Variants in WDR35 observed in about 807,000 individuals in gnomAD.
WDR35 encodes the protein WD repeat-containing protein 35.
A neutral mutation model predicts 158.3 loss-of-function variants in WDR35; 118 were observed. That is an observed-to-expected ratio of 0.75 (90% CI 0.64 to 0.87). The LOEUF (loss-of-function observed/expected upper bound fraction) is 0.87. Among genes scored for constraint, WDR35 ranks in the 40% least tolerant of loss-of-function variants. WDR35 has a pLI of 0.00. For missense variants in WDR35, 1,263 were observed against 1,405.8 expected (o/e 0.90, Z 1.62); for synonymous variants, 448 against 476.1 (o/e 0.94, Z 0.77).
chr2:19,986,245 A>C (rs1304664564), intron 2 of WDR35, among the ~76,000 whole-genome samples: 1 of 152,220 alleles, frequency 6.6e-6, no homozygotes, highest in Non-Finnish European at 1.5e-5. Flanking sequence ...TGAACACAGT[A>C]AATAGGAGAT....
At chr2:19,963,751 T>C (rs13389766) in intron 10 of WDR35, among the ~76,000 whole-genome samples, 3,586 of 126,518 alleles carry the variant, frequency 0.028, 134 homozygotes, top group African/African-American at 0.091. Context: ...TATTTATTTA[T>C]TTACTTACTT....
intron 10 of WDR35, among the ~76,000 whole-genome samples, chr2:19,965,243 C>T (rs1042856785): frequency 9.8e-5 from 15 of 152,310 alleles, no homozygotes; most frequent in South Asian, 6.2e-4. Context: ...GTTTTTCAGA[C>T]GTGTCCTTCC....
intron 11 of WDR35, among the ~76,000 whole-genome samples, chr2:19,955,951 T>A (rs527553702): frequency 6.6e-6 from 1 of 152,290 alleles, no homozygotes; most frequent in East Asian, 1.9e-4. Context: ...CAAGATTTTT[T>A]CATTCAAAAT....
intron 8 of WDR35, among the ~76,000 whole-genome samples, chr2:19,971,133 C>A (rs569147003): frequency 6.6e-6 from 1 of 152,078 alleles, no homozygotes; most frequent in East Asian, 1.9e-4. Context: ...ATAAGGCAAT[C>A]GAACATTTTT....
chr2:19,928,036 T>C (rs942320915), intron 25 of WDR35, among the ~76,000 whole-genome samples: 1 of 152,164 alleles, frequency 6.6e-6, no homozygotes, highest in Admixed American at 6.5e-5. Flanking sequence ...GGCCATAAAC[T>C]GGCCCCAAAA....
chr2:19,989,435 C>T (rs1451343718), intron 1 of WDR35, among the ~76,000 whole-genome samples, 153 bp from the exon 2 acceptor site: 1 of 152,164 alleles, frequency 6.6e-6, no homozygotes, highest in African/African-American at 2.4e-5. Flanking sequence ...GGCATGGTCC[C>T]CTGAACTGAC....
chr2:19,920,732 C>A (rs1302956796), intron 25 of WDR35, among the ~76,000 whole-genome samples: 1 of 152,128 alleles, frequency 6.6e-6, no homozygotes, highest in Non-Finnish European at 1.5e-5. Flanking sequence ...CTGGCCAAGA[C>A]AATCAGGCAG....
chr2:19,985,632 C>A (rs1446900020), intron 2 of WDR35, among the ~76,000 whole-genome samples: 1 of 151,430 alleles, frequency 6.6e-6, no homozygotes, highest in Non-Finnish European at 1.5e-5. Context: ...GCCTGTAACC[C>A]CAGCATTTTG....
At chr2:19,920,182 A>G (rs1670127347) in intron 25 of WDR35, among the ~76,000 whole-genome samples, 1 of 152,254 alleles carries the variant, frequency 6.6e-6, no homozygotes, top group East Asian at 1.9e-4. Context: ...TCCTTCTGAA[A>G]CTATTCCAAA....
In WDR35 at chr2:19,911,659, AAGT is replaced by A. The variant is rs1669838164; in HGVS notation, c.*1896_*1898del. 6.6e-6 allele frequency: 1 copy of A among 152,256 alleles called. No homozygotes were observed. The highest frequency in any genetic ancestry group is 1.5e-5 in the Non-Finnish European group (1 of 68,046). The allele number at this position is 152,256 out of a possible 1,614,324, so 9.4% of individuals were successfully genotyped here. On this transcript the variant is annotated 3_prime_UTR_variant, in exon 27 of 27. Transcript: ENST00000281405. ...AGTAACCTAGGAGACTTATTAGGCA[AAGT>A]TAATAGAGCGTGTATGTGTGACCAC...
intron 25 of WDR35, among the ~76,000 whole-genome samples, chr2:19,918,993 G>A (rs891090199): frequency 2.0e-5 from 3 of 152,070 alleles, no homozygotes; most frequent in African/African-American, 7.2e-5. Context: ...CCACATAATT[G>A]GAAGTAAAAC....
At chr2:19,945,420 A>G (rs994308534) in intron 16 of WDR35, among the ~76,000 whole-genome samples, 4 of 152,158 alleles carry the variant, frequency 2.6e-5, no homozygotes, top group African/African-American at 4.8e-5. Context: ...TTTGAAAACT[A>G]TATTTTTTTA....
chr2:19,930,940 G>A (rs772513657), intron 24 of WDR35, among the ~76,000 whole-genome samples: 10 of 152,148 alleles, frequency 6.6e-5, no homozygotes, highest in Non-Finnish European at 1.3e-4. Flanking sequence ...ATTCATTTAC[G>A]CATTACAACA....
chr2:19,940,187 T>C lies in WDR35; in HGVS notation c.1926+1572A>G, dbSNP rs1444083844. On this transcript the variant is annotated intron_variant, in intron 17 of 26. Transcript: ENST00000281405. ...TGACCAACATGGCAAACCCCATCTC[T>C]ACAAAAAAAAAAAAAAAAAAACACA... is the stretch of plus-strand genomic sequence containing the variant. 6.2e-5 allele frequency among the ~76,000 whole-genome samples: 4 copies of C among 64,236 alleles called. No homozygotes were observed. In the East Asian group the frequency reaches 2.4e-3, roughly 39 times the overall value. The allele number at this position is 64,236 out of a possible 152,430, so 42.1% of individuals were successfully genotyped here.
rs750915204 is a variant in WDR35, at chr2:19,931,344, T to A, written c.2889A>T (p.Ser963=). 2.5e-6 allele frequency: 4 copies of A among 1,613,544 alleles called. No individual in the cohort carries two copies. Among genetic ancestry groups the A allele is most frequent in the Non-Finnish European group, 3.4e-6 (4 of 1,179,722 alleles). The change falls in exon 24 of 27, where the codon TCA becomes TCT. Residue 963 remains serine, a synonymous_variant. Coordinates refer to ENST00000281405, the MANE Select transcript of WDR35 (RefSeq NM_020779.4). ...PLRVKKLYVL[S]ALLIEQYHEQ... ...CATGGTATTGCTCTATAAGTAAGGCTGACAGTACATAGAGCTTCTTGACAC... is the reference window on the plus strand; with the variant it reads ...CATGGTATTGCTCTATAAGTAAGGCAGACAGTACATAGAGCTTCTTGACAC...
Position 19,954,092 on chromosome 2 carries a change from C to T in WDR35, c.1256-114G>A, listed in dbSNP as rs998366406. On this transcript the variant is annotated intron_variant, in intron 11 of 26. Transcript: ENST00000281405. The stretch of plus-strand genomic sequence containing the variant: ...ACCCCTCATTTTATAGACAATATAC[C>T]CCCACATAGTCTCAAAATACCCATA... 1.4e-5 allele frequency: 16 copies of T among 1,181,610 alleles called. No individual in the cohort carries two copies. The African/African-American group carries it at 2.4e-4, about 18-fold the overall frequency. The allele number at this position is 1,181,610 out of a possible 1,614,324, so 73.2% of individuals were successfully genotyped here.
intron 4 of WDR35, 137 bp from the exon 5 acceptor site, chr2:19,979,016 T>TA: frequency 9.2e-7 from 1 of 1,085,570 alleles, no homozygotes; most frequent in African/African-American, 1.6e-5. Flanking sequence ...GACATTAAAC[T>TA]ATAAAACTTC....
At chr2:19,968,595 C>A (rs1671932456) in intron 9 of WDR35, among the ~76,000 whole-genome samples, 1 of 152,114 alleles carries the variant, frequency 6.6e-6, no homozygotes, top group Admixed American at 6.5e-5. Context: ...TTGACATTTC[C>A]CCATCCTTTT....
At chr2:19,947,041 A>T (rs1004141775) in intron 14 of WDR35, among the ~76,000 whole-genome samples, 30 of 152,348 alleles carry the variant, frequency 2.0e-4, no homozygotes, top group South Asian at 1.7e-3. Flanking sequence ...ACTAGTTTTT[A>T]GCAAAAGGAA....
Sources: gnomAD v4.1 joint callset for allele counts (sites outside exome capture counted in the v4.1 genomes callset) on GRCh38, gnomAD v4.1.1 for gene constraint, MANE v1.5 for transcripts, NCBI Gene and HGNC (gene_info 2026-07-23, HGNC 2026-07-21) for gene names.